Variants in FGD4 observed in about 807,000 individuals in gnomAD.
FGD4 encodes FYVE, RhoGEF and PH domain containing 4.
Under a neutral mutation model 102.0 loss-of-function variants are expected in FGD4, and 42 were observed. The ratio of observed to expected loss-of-function variants is 0.41; its 90% confidence interval spans 0.32 to 0.53. FGD4 has a LOEUF of 0.53. Among genes scored for constraint, FGD4 ranks in the 20% least tolerant of loss-of-function variants. The probability of loss-of-function intolerance (pLI) is 0.21; values close to 1 mark genes in which losing one functional copy is unlikely to be tolerated. For synonymous variants in FGD4, 380 were observed against 375.7 expected (o/e 1.01, Z -0.13); for missense variants, 902 against 1,078.2 (o/e 0.84, Z 2.29).
chr12:32,524,172 G>C, intron 1 of FGD4, among the ~76,000 whole-genome samples: 1 of 149,918 alleles, frequency 6.7e-6, no homozygotes, highest in African/African-American at 2.4e-5. Flanking sequence ...CGAGGCGGGC[G>C]AATCACGAGG....
intron 1 of FGD4, among the ~76,000 whole-genome samples, chr12:32,438,900 G>A (rs190429195): frequency 2.6e-5 from 4 of 152,214 alleles, no homozygotes; most frequent in East Asian, 3.9e-4. Flanking sequence ...GAGCCACTGC[G>A]CCCGGCCCTA....
At chr12:32,595,637 G>A (rs1947832498) in intron 4 of FGD4, among the ~76,000 whole-genome samples, 1 of 152,154 alleles carries the variant, frequency 6.6e-6, no homozygotes. Context: ...TTTCCCTAGA[G>A]GAACTGACTG....
At chr12:32,465,861 G>A (rs867239617) in intron 1 of FGD4, among the ~76,000 whole-genome samples, 10 of 152,122 alleles carry the variant, frequency 6.6e-5, no homozygotes, top group African/African-American at 1.2e-4. Context: ...TCACTGCAAC[G>A]TTAGCTTCCT....
At position 32,443,300 on chromosome 12, in the gene FGD4, C is replaced by A. The variant is rs570971408; in HGVS notation, c.166+43341C>A. On this transcript the variant is annotated intron_variant, in intron 1 of 16. Coordinates refer to ENST00000534526, the MANE Select transcript of FGD4 (RefSeq NM_001370298.3). ...AGCTACTTGAGAAGATTACTTCAGC[C>A]CAGGAGTTTGAGTCTAGCCTGGGCA... is the stretch of plus-strand genomic sequence containing the variant. Among the ~76,000 whole-genome samples, 26 of 152,252 alleles carry A rather than the reference C, an allele frequency of 1.7e-4. No individual in the cohort carries two copies. The South Asian group carries it at 3.7e-3, about 22-fold the overall frequency.
intron 1 of FGD4, among the ~76,000 whole-genome samples, chr12:32,463,224 C>T (rs931347764): frequency 1.3e-5 from 2 of 152,262 alleles, no homozygotes; most frequent in South Asian, 2.1e-4. Context: ...TAACCATTAC[C>T]GAAAAACAAG....
intron 5 of FGD4, chr12:32,600,584 C>CTTT (rs776556112): frequency 0.051 from 13,542 of 264,262 alleles, 710 homozygotes; most frequent in Admixed American, 0.13. Context: ...TTCTTTCTTT[C>CTTT]TTTCTTTCTT....
At chr12:32,599,007 A>C (rs1177711107) in intron 5 of FGD4, among the ~76,000 whole-genome samples, 4 of 152,164 alleles carry the variant, frequency 2.6e-5, no homozygotes, top group Non-Finnish European at 5.9e-5. Context: ...TGGTGTAGTC[A>C]TAGGGCCAGA....
chr12:32,565,788 A>C (rs117818286), intron 2 of FGD4, among the ~76,000 whole-genome samples: 249 of 152,274 alleles, frequency 1.6e-3, no homozygotes, highest in Non-Finnish European at 2.2e-3. Flanking sequence ...TTAAATACAT[A>C]TTTACTTCCT....
At chr12:32,487,349 C>T (rs1591994655) in intron 1 of FGD4, among the ~76,000 whole-genome samples, 2 of 152,140 alleles carry the variant, frequency 1.3e-5, no homozygotes, top group South Asian at 2.1e-4. Context: ...ATGAATATTA[C>T]CCTTTTTACA....
intron 4 of FGD4, among the ~76,000 whole-genome samples, chr12:32,585,418 ACT>A (rs1946945705): frequency 6.6e-6 from 1 of 151,566 alleles, no homozygotes; most frequent in Non-Finnish European, 1.5e-5. Flanking sequence ...TGCCAGTCTC[ACT>A]CTCCTGGGCA....
intron 1 of FGD4, among the ~76,000 whole-genome samples, chr12:32,514,869 A>G (rs575974634): frequency 1.3e-5 from 2 of 152,136 alleles, no homozygotes; most frequent in Admixed American, 1.3e-4. Flanking sequence ...AATAAATTTC[A>G]TATTGCTAAA....
chr12:32,640,088 C>T (rs1951078171), intron 16 of FGD4, among the ~76,000 whole-genome samples, 188 bp from the exon 17 acceptor site: 1 of 152,174 alleles, frequency 6.6e-6, no homozygotes, highest in Non-Finnish European at 1.5e-5. Context: ...ATTCATTCAG[C>T]TAACATTATC....
At chr12:32,519,045 G>A (rs142385805) in intron 1 of FGD4, among the ~76,000 whole-genome samples, 2,048 of 148,188 alleles carry the variant, frequency 0.014, 105 homozygotes, top group Admixed American at 0.098. Flanking sequence ...AACCAGGGAG[G>A]CAGAGGTTGC....
At chr12:32,570,752 A>G (rs1257931161) in intron 2 of FGD4, among the ~76,000 whole-genome samples, 1 of 151,960 alleles carries the variant, frequency 6.6e-6, no homozygotes, top group African/African-American at 2.4e-5. Context: ...TTTTATTCTG[A>G]TTGTTATTCC....
At chr12:32,471,943 T>G (rs567925199) in intron 1 of FGD4, among the ~76,000 whole-genome samples, 1 of 152,302 alleles carries the variant, frequency 6.6e-6, no homozygotes, top group East Asian at 1.9e-4. Flanking sequence ...AGACATGTGG[T>G]TCATTGGGGA....
chr12:32,582,190 C>T lies in FGD4; in HGVS notation c.734C>T (p.Ala245Val), dbSNP rs1251137109. 1 of 1,614,196 alleles carries T rather than the reference C, an allele frequency of 6.2e-7. No homozygotes were observed. The highest frequency in any genetic ancestry group is 1.3e-5 in the African/African-American group (1 of 75,046). ...ATGGAATGTGAGGAGGAGAAAGCTG[C>T]CACTCTTAGCTCAGATACTTCTATT... is the stretch of plus-strand genomic sequence containing the variant. ...NQMECEEEKA[A>V]TLSSDTSIQA... Residue 245 changes from alanine to valine, a missense_variant, in exon 4 of 17, where the codon GCC becomes GTC. Coordinates refer to ENST00000534526, the MANE Select transcript of FGD4 (RefSeq NM_001370298.3).
At chr12:32,599,549 TTTTTTTTTTTTTTTTG>T (rs1371569564) in intron 5 of FGD4, among the ~76,000 whole-genome samples, 2 of 58,300 alleles carry the variant, frequency 3.4e-5, no homozygotes, top group African/African-American at 1.1e-4. Flanking sequence ...TTTTTTTTTT[TTTTTTTTTTTTTTTTG>T]GAGATGGAGT....
At chr12:32,542,396 C>T (rs1314692885) in intron 1 of FGD4, among the ~76,000 whole-genome samples, 1 of 152,156 alleles carries the variant, frequency 6.6e-6, no homozygotes, top group Non-Finnish European at 1.5e-5. Flanking sequence ...TCTATTTTCC[C>T]TTTTGTGAAG....
chr12:32,488,989 A>G (rs1944003696), intron 1 of FGD4, among the ~76,000 whole-genome samples: 1 of 152,220 alleles, frequency 6.6e-6, no homozygotes. Context: ...ATTCTCTATG[A>G]TAAGTAGTGA....
Sources: allele counts gnomAD v4.1 joint callset (sites outside exome capture counted in the v4.1 genomes callset), GRCh38; gene constraint gnomAD v4.1.1; transcripts MANE v1.5; gene names NCBI Gene and HGNC (gene_info 2026-07-23, HGNC 2026-07-21).